EDDM13: variants seen among roughly 807,000 people sequenced by gnomAD.
The protein encoded by EDDM13 is epididymal protein 13.
Under a neutral mutation model 17.8 loss-of-function variants are expected in EDDM13, and 24 were observed. The observed-to-expected ratio is 1.35, with a 90% CI of 0.98 to 1.90. EDDM13 has a LOEUF of 1.90. Among genes scored for constraint, EDDM13 ranks in the 40% most tolerant of loss-of-function variants. The probability of loss-of-function intolerance (pLI) is 0.00; values close to 1 mark genes in which losing one functional copy is unlikely to be tolerated. For missense variants in EDDM13, 97 were observed against 100.8 expected, an observed-to-expected ratio of 0.96 and a Z score of 0.16; for synonymous variants, 31 against 37.5, an observed-to-expected ratio of 0.83 and a Z score of 0.63.
At chr19:56,285,876 G>A (rs1346925697) in intron 6 of EDDM13, among the ~76,000 whole-genome samples, 1 of 152,150 alleles carries the variant, frequency 6.6e-6, no homozygotes, top group Non-Finnish European at 1.5e-5. Context: ...ATTCCTATCT[G>A]TTAAGTTCCT....
At chr19:56,282,320 T>C (rs1473425150) in intron 3 of EDDM13, among the ~76,000 whole-genome samples, 171 bp from the exon 4 acceptor site, 1 of 152,176 alleles carries the variant, frequency 6.6e-6, no homozygotes, top group Non-Finnish European at 1.5e-5. Flanking sequence ...GCACTTAGAA[T>C]GAATTGCAGC....
At chr19:56,284,165 C>T in intron 4 of EDDM13, 33 bp from the exon 5 acceptor site, 1 of 985,472 alleles carries the variant, frequency 1.0e-6, no homozygotes, top group Non-Finnish European at 1.2e-6. Flanking sequence ...ACCTTGGCCA[C>T]CATGCTGACT....
At chr19:56,274,441 A>T (rs1026064894) in intron 1 of EDDM13, 1 of 147,364 alleles carries the variant, frequency 6.8e-6, no homozygotes, top group Non-Finnish European at 1.5e-5. Context: ...GAAACAGAGC[A>T]AGACTCTGTT....
chr19:56,304,488 A>G (rs1197124647), intron 13 of EDDM13, among the ~76,000 whole-genome samples: 1 of 152,216 alleles, frequency 6.6e-6, no homozygotes, highest in Non-Finnish European at 1.5e-5. Context: ...ACAACACGCC[A>G]CGACAAAAAT....
chr19:56,298,513 C>T (rs976980194), intron 12 of EDDM13, among the ~76,000 whole-genome samples: 2 of 151,378 alleles, frequency 1.3e-5, no homozygotes, highest in East Asian at 2.0e-4. Context: ...ATTAGCCAGG[C>T]GTGGTGGCGG....
At chr19:56,296,798 C>T (rs1177207736) in intron 11 of EDDM13, among the ~76,000 whole-genome samples, 1 of 152,088 alleles carries the variant, frequency 6.6e-6, no homozygotes, top group East Asian at 1.9e-4. Context: ...CTTTGGGAGG[C>T]CGACGTGGGT....
chr19:56,302,850 A>G (rs1327836936), intron 13 of EDDM13: 3 of 398,562 alleles, frequency 7.5e-6, no homozygotes, highest in Admixed American at 4.4e-5. Context: ...AGGGACGTTC[A>G]TAAGGACCAA....
At chr19:56,280,192 C>T (rs2038584106) in intron 2 of EDDM13, among the ~76,000 whole-genome samples, 1 of 152,204 alleles carries the variant, frequency 6.6e-6, no homozygotes, top group South Asian at 2.1e-4. Flanking sequence ...GTATTATACA[C>T]ACTGTTCTGT....
At position 56,281,708 on chromosome 19, in the gene EDDM13, A is replaced by C; in HGVS notation, c.109+10A>C. ...CCCCTTCCAGTCAACTGTAAGTCAT[A>C]TCTCCTTCTCCCTACATAAATGGGG... On this transcript the variant is annotated intron_variant, in intron 3 of 14. Transcript: ENST00000649256. 1 of 985,294 alleles carries C rather than the reference A, an allele frequency of 1.0e-6. No homozygotes were observed. The highest frequency in any genetic ancestry group is 1.2e-6 in the Non-Finnish European group (1 of 829,864). 61.0% of individuals were successfully genotyped at this position (985,294 alleles called of 1,614,324 possible).
At chr19:56,280,874 A>G (rs1255463317) in intron 2 of EDDM13, among the ~76,000 whole-genome samples, 1 of 152,170 alleles carries the variant, frequency 6.6e-6, no homozygotes, top group Non-Finnish European at 1.5e-5. Context: ...TTTCCAACAC[A>G]TGCTGTTTGG....
chr19:56,272,910 C>T lies in EDDM13; in HGVS notation c.76C>T (p.Pro26Ser), dbSNP rs1017430043. Residue 26 changes from proline (P) to serine (S), a missense_variant, in exon 1 of 15, where the codon CCT becomes TCT. Pro to Ser is a moderately conservative substitution (Grantham distance 74, BLOSUM62 -1). Coordinates refer to ENST00000649256, the MANE Select transcript of EDDM13 (RefSeq NM_001354658.2). ...LFLGLAEACT[P>S]REVATKEKIN... ...CCTGGGATTGGCAGAAGCCTGTACT[C>T]CTCGTGAAGGTAATGCTTCCAGCCA... 20 of 985,012 alleles carry T rather than the reference C, an allele frequency of 2.0e-5. No individual in the cohort carries two copies. The African/African-American group carries it at 3.5e-4, about 17-fold the overall frequency. 61.0% of individuals were successfully genotyped at this position (985,012 alleles called of 1,614,324 possible). A position where few individuals can be genotyped will look rare whatever the true frequency, so the allele number is the denominator to read the frequency against.
At chr19:56,277,155 A>G (rs2038325872) in intron 2 of EDDM13, among the ~76,000 whole-genome samples, 1 of 152,160 alleles carries the variant, frequency 6.6e-6, no homozygotes, top group African/African-American at 2.4e-5. Flanking sequence ...AATGTTAAAC[A>G]CTGAGTTACT....
intron 2 of EDDM13, among the ~76,000 whole-genome samples, chr19:56,276,329 T>C (rs1464866446): frequency 6.6e-6 from 1 of 152,118 alleles, no homozygotes; most frequent in Non-Finnish European, 1.5e-5. Flanking sequence ...CTCCTTTGTC[T>C]GGGGAAGAGA....
At chr19:56,280,553 G>T (rs758600185) in intron 2 of EDDM13, 10 of 151,950 alleles carry the variant, frequency 6.6e-5, no homozygotes, top group Non-Finnish European at 1.5e-4. Context: ...TATAACCACT[G>T]TCGTAGTCTG....
intron 12 of EDDM13, chr19:56,298,013 T>C (rs904444263): frequency 2.0e-5 from 3 of 147,820 alleles, no homozygotes; most frequent in Admixed American, 6.9e-5. Context: ...AGGTGGAGGC[T>C]GCAGTGAGCC....
intron 2 of EDDM13, among the ~76,000 whole-genome samples, chr19:56,279,954 T>C (rs1336983461): frequency 6.6e-6 from 1 of 152,222 alleles, no homozygotes; most frequent in Non-Finnish European, 1.5e-5. Context: ...TAAAACATCA[T>C]GTTATTTTCA....
intron 14 of EDDM13, among the ~76,000 whole-genome samples, chr19:56,308,943 T>G (rs2040866734): frequency 6.6e-6 from 1 of 152,200 alleles, no homozygotes; most frequent in Non-Finnish European, 1.5e-5. Flanking sequence ...TTGGCAAACT[T>G]TCTCTGTGAA....
intron 13 of EDDM13, among the ~76,000 whole-genome samples, chr19:56,304,249 T>A (rs765375984): frequency 2.0e-5 from 3 of 152,118 alleles, no homozygotes; most frequent in Non-Finnish European, 4.4e-5. Flanking sequence ...AAGGAACTGC[T>A]TATGCGCTGG....
At chr19:56,294,426 T>A (rs1448483875) in intron 9 of EDDM13, among the ~76,000 whole-genome samples, 1 of 152,218 alleles carries the variant, frequency 6.6e-6, no homozygotes, top group African/African-American at 2.4e-5. Flanking sequence ...CCTACCTGAT[T>A]AATGGAGATA....
Sources: gnomAD v4.1 joint callset for allele counts (sites outside exome capture counted in the v4.1 genomes callset) on GRCh38, gnomAD v4.1.1 for gene constraint, MANE v1.5 for transcripts, NCBI Gene and HGNC (gene_info 2026-07-23, HGNC 2026-07-21) for gene names.